The following SGCD variants were observed in gnomAD, a reference collection of about 807,000 sequenced individuals.
The protein encoded by SGCD is delta-sarcoglycan.
A neutral mutation model predicts 36.6 loss-of-function variants in SGCD; 18 were observed. That is an observed-to-expected ratio of 0.49 (90% CI 0.34 to 0.73). The LOEUF is 0.73. Ranked by LOEUF, SGCD falls within the 30% of genes least tolerant of loss-of-function variation. SGCD has a pLI of 0.01. For missense variants in SGCD, 387 were observed against 346.7 expected (o/e 1.12, Z -0.92); for synonymous variants, 133 against 130.6 (o/e 1.02, Z -0.12).
At chr5:156,024,225 T>C (rs1463926621) in intron 1 of SGCD, among the ~76,000 whole-genome samples, 2 of 151,946 alleles carry the variant, frequency 1.3e-5, no homozygotes, top group African/African-American at 4.8e-5. Flanking sequence ...AGACAGGCAA[T>C]GTGTGCTTTG....
chr5:156,338,188 C>T (rs1465293484), intron 2 of SGCD, among the ~76,000 whole-genome samples: 1 of 147,888 alleles, frequency 6.8e-6, no homozygotes, highest in Non-Finnish European at 1.5e-5. Context: ...GTTTACAAAT[C>T]ATCCCTGAAA....
chr5:156,494,286 T>G (rs1756077311), intron 3 of SGCD, among the ~76,000 whole-genome samples: 1 of 151,600 alleles, frequency 6.6e-6, no homozygotes, highest in Non-Finnish European at 1.5e-5. Context: ...CTTTGACTAG[T>G]AAGTGATGGG....
At chr5:156,045,695 G>C (rs1378627679) in intron 1 of SGCD, among the ~76,000 whole-genome samples, 1 of 152,080 alleles carries the variant, frequency 6.6e-6, no homozygotes, top group Non-Finnish European at 1.5e-5. Context: ...CTCTCACTAT[G>C]TCCTCCAATG....
chr5:156,406,860 A>G (rs1302534297), intron 3 of SGCD, among the ~76,000 whole-genome samples: 2 of 146,306 alleles, frequency 1.4e-5, no homozygotes, highest in Non-Finnish European at 3.0e-5. Context: ...GTGTATATAT[A>G]TTAGTTTATT....
At chr5:156,239,313 T>C (rs1765244742) in intron 3 of SGCD, among the ~76,000 whole-genome samples, 1 of 148,822 alleles carries the variant, frequency 6.7e-6, no homozygotes, top group South Asian at 2.1e-4. Context: ...GGCAGGAGAA[T>C]CGCTTGAACC....
intron 3 of SGCD, among the ~76,000 whole-genome samples, chr5:156,176,318 A>G (rs1055373819): frequency 2.6e-5 from 4 of 152,234 alleles, no homozygotes; most frequent in Admixed American, 2.0e-4. Context: ...GCCTCAAGTT[A>G]TTGGCTTATA....
intron 3 of SGCD, among the ~76,000 whole-genome samples, chr5:156,449,852 CAAAAAAA>C (rs10548772): frequency 2.9e-5 from 2 of 67,834 alleles, no homozygotes; most frequent in Non-Finnish European, 6.0e-5. Context: ...AACTCCATCT[CAAAAAAA>C]AAAAAAAAAA....
At chr5:156,144,269 G>A (rs1255861375) in intron 3 of SGCD, among the ~76,000 whole-genome samples, 1 of 151,884 alleles carries the variant, frequency 6.6e-6, no homozygotes, top group Non-Finnish European at 1.5e-5. Flanking sequence ...GGGATGGCTG[G>A]GTCAAATGGT....
At chr5:156,111,291 C>A (rs888535658) in intron 1 of SGCD, among the ~76,000 whole-genome samples, 4 of 152,198 alleles carry the variant, frequency 2.6e-5, no homozygotes, top group African/African-American at 9.6e-5. Context: ...CTGGTGCACA[C>A]TGAGTAGGTG....
At chr5:156,259,746 G>A (rs1765806970) in intron 3 of SGCD, among the ~76,000 whole-genome samples, 1 of 152,050 alleles carries the variant, frequency 6.6e-6, no homozygotes, top group Non-Finnish European at 1.5e-5. Context: ...GAGGTAAGTA[G>A]GATTAGATAA....
intron 4 of SGCD, among the ~76,000 whole-genome samples, chr5:156,518,926 C>T (rs1313227847): frequency 6.6e-6 from 1 of 152,096 alleles, no homozygotes; most frequent in African/African-American, 2.4e-5. Flanking sequence ...AACATCCTAA[C>T]ATCACAACTA....
Position 156,396,522 on chromosome 5 carries a change from T to G in SGCD, c.192+51845T>G, listed in dbSNP as rs564905454. ...GGAGAGAAAATATTTCATGCCCTTGTTGGACTTCTCAACCGAGGGATGCTG... is the reference window on the plus strand; with the variant it reads ...GGAGAGAAAATATTTCATGCCCTTGGTGGACTTCTCAACCGAGGGATGCTG... On this transcript the variant is annotated intron_variant, in intron 3 of 8. Coordinates refer to ENST00000337851, the MANE Select transcript of SGCD (RefSeq NM_000337.6). 4.5e-4 allele frequency among the ~76,000 whole-genome samples: 69 copies of G among 152,276 alleles called. 4 individuals are homozygous for G. In the South Asian group the frequency reaches 0.014, roughly 31 times the overall value.
intron 3 of SGCD, among the ~76,000 whole-genome samples, chr5:156,459,741 T>C (rs1399459941): frequency 6.6e-6 from 1 of 152,170 alleles, no homozygotes; most frequent in African/African-American, 2.4e-5. Context: ...AGTGAGGCGA[T>C]TTTCAAGGTT....
chr5:156,513,270 G>T (rs1343036872), intron 4 of SGCD, among the ~76,000 whole-genome samples: 2 of 152,180 alleles, frequency 1.3e-5, no homozygotes, highest in Non-Finnish European at 2.9e-5. Flanking sequence ...GGGATGAGTG[G>T]TTGGCAGGCA....
chr5:155,961,906 G>T (rs1757798322), intron 1 of SGCD, among the ~76,000 whole-genome samples: 1 of 152,088 alleles, frequency 6.6e-6, no homozygotes. Flanking sequence ...TACATATGAT[G>T]AAAAATTCAT....
the SGCD span, among the ~76,000 whole-genome samples, chr5:155,791,721 AAGG>A: frequency 6.6e-6 from 1 of 152,200 alleles, no homozygotes; most frequent in Admixed American, 6.5e-5. Flanking sequence ...AGATATCTAC[AAGG>A]AGAACTACAA....
At chr5:156,518,251 A>G (rs1253758830) in intron 4 of SGCD, among the ~76,000 whole-genome samples, 2 of 152,238 alleles carry the variant, frequency 1.3e-5, no homozygotes, top group Admixed American at 1.3e-4. Flanking sequence ...AGGGCATTAC[A>G]TAATGGTAAA....
chr5:156,230,657 C>T (rs1010434837), intron 3 of SGCD, among the ~76,000 whole-genome samples: 5 of 152,070 alleles, frequency 3.3e-5, no homozygotes, highest in Admixed American at 1.3e-4. Flanking sequence ...TTATTCCTGT[C>T]GTCATTCTGA....
Position 156,269,303 on chromosome 5 carries a change from A to G in SGCD, c.-43-60231A>G, listed in dbSNP as rs112771748. On this transcript the variant is annotated intron_variant, in intron 3 of 9. Coordinates refer to the SGCD transcript ENST00000517913. ...GCTAACATGGTGAAACCCTGTCTCT[A>G]CTAAAAATACAAAAAAATTAGCCGG... Among the ~76,000 whole-genome samples, 77 of 151,814 alleles carry G rather than the reference A, an allele frequency of 5.1e-4. 1 individual carries two copies. Among genetic ancestry groups the G allele is most frequent in the African/African-American group, 1.8e-3 (73 of 41,416 alleles).
Sources: gnomAD v4.1 joint callset for allele counts (sites outside exome capture counted in the v4.1 genomes callset) on GRCh38, gnomAD v4.1.1 for gene constraint, MANE v1.5 for transcripts, NCBI Gene and HGNC (gene_info 2026-07-23, HGNC 2026-07-21) for gene names.